The following MEI4 variants were observed in gnomAD, a reference collection of about 807,000 sequenced individuals.
The protein encoded by MEI4 is meiosis-specific protein MEI4.
In MEI4, 27 loss-of-function variants were observed where a neutral mutation model predicts 31.4. The observed-to-expected ratio is 0.86, with a 90% CI of 0.63 to 1.19. The LOEUF is 1.19. Ranked by LOEUF, MEI4 falls within the 50% of genes most tolerant of loss-of-function variation. The probability of loss-of-function intolerance (pLI) is 0.00; values close to 1 mark genes in which losing one functional copy is unlikely to be tolerated. For synonymous variants in MEI4, 122 were observed against 145.4 expected (o/e 0.84, Z 1.16); for missense variants, 329 against 398.9 (o/e 0.82, Z 1.49).
chr6:77,886,429 A>AGTTTT (rs150324546), intron 4 of MEI4, among the ~76,000 whole-genome samples: 25,867 of 51,148 alleles, frequency 0.51, 2,459 homozygotes, highest in Middle Eastern at 0.63. Context: ...TAGATTTTCC[A>AGTTTT]GTTTTGTTTT....
chr6:77,873,173 A>G (rs1029206312), intron 4 of MEI4, among the ~76,000 whole-genome samples: 2 of 152,130 alleles, frequency 1.3e-5, no homozygotes, highest in Non-Finnish European at 2.9e-5. Flanking sequence ...CTGAGGAATC[A>G]CCACACTGAC....
chr6:77,863,182 C>T (rs1770914770), intron 4 of MEI4, among the ~76,000 whole-genome samples: 2 of 152,258 alleles, frequency 1.3e-5, no homozygotes, highest in East Asian at 3.9e-4. Flanking sequence ...AGCACCTCTC[C>T]TCCTCCAAAG....
chr6:77,700,782 T>C (rs1203758273), intron 2 of MEI4, among the ~76,000 whole-genome samples: 1 of 152,236 alleles, frequency 6.6e-6, no homozygotes, highest in Non-Finnish European at 1.5e-5. Context: ...CTCTGCTATT[T>C]CTTTATTCTT....
At chr6:77,831,524 T>TAC (rs958021498) in intron 4 of MEI4, among the ~76,000 whole-genome samples, 6 of 150,608 alleles carry the variant, frequency 4.0e-5, no homozygotes, top group African/African-American at 1.5e-4. Flanking sequence ...TATATATATA[T>TAC]ACCAAATAAT....
intron 4 of MEI4, among the ~76,000 whole-genome samples, chr6:77,868,873 A>G (rs1314631232): frequency 6.6e-6 from 1 of 152,048 alleles, no homozygotes. Context: ...CAAGTGCAGC[A>G]CAGCCTGGTC....
intron 2 of MEI4, among the ~76,000 whole-genome samples, chr6:77,728,753 G>A (rs1245305623): frequency 2.0e-5 from 3 of 152,212 alleles, no homozygotes; most frequent in Admixed American, 6.6e-5. Flanking sequence ...GAAACAGCCA[G>A]TGTGGCTGTG....
rs184215732 is a variant in MEI4, at chr6:77,779,236, C to T, written c.768+17571C>T. ...AGGAGAAAAATTAGGAAAGTATTGT[C>T]ATGGAAACCAATAGAAGAGAGTATT... On this transcript the variant is annotated intron_variant, in intron 3 of 4. Coordinates refer to ENST00000684080, the MANE Select transcript of MEI4 (RefSeq NM_001322247.2). 8.2e-3 allele frequency among the ~76,000 whole-genome samples: 1,254 copies of T among 152,270 alleles called. 15 individuals carry two copies. The highest frequency in any genetic ancestry group is 0.014 in the Non-Finnish European group (978 of 68,004).
intron 4 of MEI4, among the ~76,000 whole-genome samples, chr6:77,835,291 AG>A (rs2127713056): frequency 6.7e-6 from 1 of 149,116 alleles, no homozygotes; most frequent in South Asian, 2.1e-4. Context: ...ACCCAGGTGG[AG>A]GAGGTTGTTG....
chr6:77,684,888 A>G (rs1769023498), intron 1 of MEI4, among the ~76,000 whole-genome samples: 1 of 152,146 alleles, frequency 6.6e-6, no homozygotes, highest in Non-Finnish European at 1.5e-5. Flanking sequence ...TGCTGCACAT[A>G]TGGTAGCTCA....
intron 4 of MEI4, among the ~76,000 whole-genome samples, chr6:77,877,879 T>G (rs1404498956): frequency 6.6e-6 from 1 of 151,976 alleles, no homozygotes; most frequent in African/African-American, 2.4e-5. Context: ...AGATTGCTTG[T>G]AAAAGATAAT....
rs146462374 is a variant in MEI4, at chr6:77,799,593, C to T, written c.769-29338C>T. 6.3e-3 allele frequency among the ~76,000 whole-genome samples: 959 copies of T among 152,176 alleles called. 15 individuals carry two copies. The highest frequency in any genetic ancestry group is 0.022 in the African/African-American group (895 of 41,470). ...CATGCCTATGTCCTGAATGGTAATA[C>T]CTAGGTTTTCTTCTAGGATTTTTAT... is the stretch of plus-strand genomic sequence containing the variant. On this transcript the variant is annotated intron_variant, in intron 3 of 4. Transcript: ENST00000684080.
chr6:77,700,650 G>A (rs1377958810), intron 2 of MEI4, among the ~76,000 whole-genome samples: 4 of 152,304 alleles, frequency 2.6e-5, no homozygotes, highest in South Asian at 4.1e-4. Context: ...TGGTACCTCA[G>A]ATGGAAATGC....
At chr6:77,739,560 T>G (rs1412797350) in intron 2 of MEI4, among the ~76,000 whole-genome samples, 3 of 151,880 alleles carry the variant, frequency 2.0e-5, no homozygotes, top group Non-Finnish European at 4.4e-5. Flanking sequence ...CATCACACAC[T>G]GGGCCTGTCA....
chr6:77,651,980 T>C (rs1768307324), upstream of MEI4, among the ~76,000 whole-genome samples: 1 of 152,216 alleles, frequency 6.6e-6, no homozygotes, highest in Admixed American at 6.5e-5. Context: ...TAGCAGTCCA[T>C]TGGATATTGT....
intron 2 of MEI4, among the ~76,000 whole-genome samples, chr6:77,695,241 T>C (rs2127653773): frequency 6.6e-6 from 1 of 152,200 alleles, no homozygotes. Context: ...GTAGTTTCTT[T>C]TGCTGTGCAG....
At chr6:77,710,600 A>T (rs1766442104) in intron 2 of MEI4, among the ~76,000 whole-genome samples, 1 of 152,008 alleles carries the variant, frequency 6.6e-6, no homozygotes. Context: ...TATTTTAAAA[A>T]TTTATTTTTC....
intron 2 of MEI4, among the ~76,000 whole-genome samples, chr6:77,718,019 C>A: frequency 1.8e-5 from 1 of 56,450 alleles, no homozygotes; most frequent in African/African-American, 7.8e-5. Flanking sequence ...ACAAAACAGG[C>A]ACACAAGGAT....
At chr6:77,906,514 G>T (rs1028077016) in intron 4 of MEI4, among the ~76,000 whole-genome samples, 4 of 152,168 alleles carry the variant, frequency 2.6e-5, no homozygotes, top group African/African-American at 9.7e-5. Flanking sequence ...GATGAGAATT[G>T]CTGGGACCTT....
rs192973615 is a variant in MEI4 at position 77,820,088 on chromosome 6, T to G, written c.769-8843T>G. On this transcript the variant is annotated intron_variant, in intron 3 of 4. Transcript: ENST00000684080. The surrounding 1 kb of genome is among the most constrained non-coding windows in gnomAD (Gnocchi z 4.5). ...GGTTTTCCTTCTATCACTGTGTACT[T>G]GGCAGTGTCAGTATCAGGATATGAG... Among the ~76,000 whole-genome samples the G allele has an allele frequency of 3.8e-3, 577 of 152,240 alleles. 1 individual carries two copies. Among genetic ancestry groups the G allele is most frequent in the Non-Finnish European group, 5.4e-3 (367 of 68,020 alleles).
Sources: allele counts gnomAD v4.1 joint callset (sites outside exome capture counted in the v4.1 genomes callset), GRCh38; gene constraint gnomAD v4.1.1; non-coding constraint Gnocchi (gnomAD v3.1); transcripts MANE v1.5; gene names NCBI Gene and HGNC (gene_info 2026-07-23, HGNC 2026-07-21).